CR1: variants seen among roughly 807,000 people sequenced by gnomAD.
CR1 encodes the protein complement C3b/C4b receptor 1 (Knops blood group).
In CR1, 116 loss-of-function variants were observed where a neutral mutation model predicts 187.3. That is an observed-to-expected ratio of 0.62 (90% CI 0.53 to 0.72). The LOEUF is 0.72. Ranked by LOEUF, CR1 falls within the 30% of genes least tolerant of loss-of-function variation. The pLI, the probability that CR1 is intolerant of heterozygous loss-of-function variation, is 0.00. For synonymous variants in CR1, 576 were observed against 747.1 expected, an observed-to-expected ratio of 0.77 and a Z score of 3.73; for missense variants, 1,731 against 2,110.7, an observed-to-expected ratio of 0.82 and a Z score of 3.52.
intron 23 of CR1, 52 bp from the exon 24 acceptor site, chr1:207,565,786 A>C (rs1345601037): frequency 1.2e-6 from 2 of 1,606,894 alleles, no homozygotes; most frequent in African/African-American, 2.8e-5. Context: ...TTGTGAACTA[A>C]GTGTCCTCTT....
chr1:207,636,566 G>C (rs949163802), intron 46 of CR1, among the ~76,000 whole-genome samples: 1 of 152,120 alleles, frequency 6.6e-6, no homozygotes, highest in South Asian at 2.1e-4. Context: ...GCCAATTTTT[G>C]ATCAATACCA....
intron 45 of CR1, among the ~76,000 whole-genome samples, chr1:207,624,039 C>T (rs1252652840): frequency 1.3e-5 from 2 of 150,016 alleles, no homozygotes. Context: ...GATTCTCATG[C>T]CTCAGCCTCC....
In CR1 at chr1:207,626,133, G is replaced by A. The variant is rs1459683932; in HGVS notation, c.7352+3065G>A. Among the ~76,000 whole-genome samples the A allele has an allele frequency of 3.9e-5, 6 of 152,100 alleles. No individual in the cohort carries two copies. The South Asian group carries it at 6.2e-4, about 16-fold the overall frequency. On this transcript the variant is annotated intron_variant, in intron 45 of 46. Transcript: ENST00000367049. ...CCTACACCCAGGAATGAGCAAAGCC[G>A]GCCCACCTGTGAGGCTAGAAGCAAG...
At chr1:207,510,805 T>A (rs1315313458) in intron 3 of CR1, among the ~76,000 whole-genome samples, 1 of 147,268 alleles carries the variant, frequency 6.8e-6, no homozygotes, top group Non-Finnish European at 1.5e-5. Context: ...CTTCTTTGCT[T>A]TCTTTCTTTC....
chr1:207,611,382 C>T (rs988630986), intron 37 of CR1, among the ~76,000 whole-genome samples: 12 of 152,208 alleles, frequency 7.9e-5, no homozygotes, highest in Non-Finnish European at 1.6e-4. Flanking sequence ...ACTCACGACT[C>T]TGTGCTCCAT....
chr1:207,577,796 C>G lies in CR1; in HGVS notation c.4538-9C>G. The G allele has an allele frequency of 6.8e-6, 11 of 1,613,686 alleles. No individual in the cohort carries two copies. The highest frequency in any genetic ancestry group is 7.6e-6 in the Non-Finnish European group (9 of 1,179,804). On this transcript the variant is annotated splice_polypyrimidine_tract_variant and intron_variant, in intron 28 of 46. Coordinates refer to ENST00000367049, the MANE Select transcript of CR1 (RefSeq NM_000651.6). ...TTTTGTTTTGGTTAACTTGCTGTCT[C>G]TTTTCCAGGAATTCCTTGTGGGCTA...
chr1:207,591,705 C>G (rs1440257089), intron 35 of CR1, among the ~76,000 whole-genome samples: 1 of 143,484 alleles, frequency 7.0e-6, no homozygotes, highest in Admixed American at 7.2e-5. Context: ...ACTAGCCAGA[C>G]TAATAAAGAA....
In CR1 at chr1:207,609,460, G is replaced by A. The variant is rs1661848020; in HGVS notation, c.6067G>A (p.Asp2023Asn). Residue 2023 changes from aspartate to asparagine, a missense_variant, in exon 37 of 47, where the codon GAT (aspartate) becomes AAT (asparagine). Asp to Asn is a conservative substitution (Grantham distance 23, BLOSUM62 1). Transcript: ENST00000367049. ...ERSIYCTSKDDQVGVWSSPPP... is the reference protein window; with the variant it reads ...ERSIYCTSKDNQVGVWSSPPP... ...GTCAATATATTGCACCAGCAAAGAT[G>A]ATCAAGTTGGTGTTTGGAGCAGCCC... The A allele has an allele frequency of 6.2e-7, 1 of 1,614,016 alleles. No homozygotes were observed. The highest frequency in any genetic ancestry group is 8.5e-7 in the Non-Finnish European group (1 of 1,179,884).
At chr1:207,509,234 T>G (rs912058922) in intron 3 of CR1, among the ~76,000 whole-genome samples, 1 of 152,222 alleles carries the variant, frequency 6.6e-6, no homozygotes, top group African/African-American at 2.4e-5. Context: ...AGTCTAGACA[T>G]GTTCACCCAC....
At chr1:207,586,421 G>A (rs1661114422) in intron 33 of CR1, among the ~76,000 whole-genome samples, 1 of 152,220 alleles carries the variant, frequency 6.6e-6, no homozygotes, top group South Asian at 2.1e-4. Context: ...CAAGGCGTGA[G>A]CCACCATGCC....
At chr1:207,515,321 T>C (rs1316209594) in intron 4 of CR1, among the ~76,000 whole-genome samples, 1 of 149,742 alleles carries the variant, frequency 6.7e-6, no homozygotes, top group Non-Finnish European at 1.5e-5. Flanking sequence ...TATATACACA[T>C]ATATATAGTG....
intron 35 of CR1, chr1:207,600,920 TA>T (rs1294235380): frequency 6.6e-6 from 1 of 152,162 alleles, no homozygotes; most frequent in African/African-American, 2.4e-5. Flanking sequence ...ATATTACTCA[TA>T]AAAATTTCTG....
chr1:207,520,968 G>GTTTTTTTTTTT (rs141546660), intron 4 of CR1, among the ~76,000 whole-genome samples: 13 of 44,568 alleles, frequency 2.9e-4, no homozygotes, highest in Non-Finnish European at 4.2e-4. Flanking sequence ...TTTTTTGGTT[G>GTTTTTTTTTTT]TTTTTTTTTT....
rs769416269 is a variant in CR1, at chr1:207,578,146, C to T, written c.4879C>T (p.Arg1627Cys). 19 of 1,611,678 alleles carry T rather than the reference C, an allele frequency of 1.2e-5. No individual in the cohort carries two copies. In the East Asian group the frequency reaches 2.5e-4, roughly 21 times the overall value. The change falls in exon 29 of 47, where the codon CGT becomes TGT. Residue 1627 changes from arginine (R) to cysteine (C), a missense_variant. Arg to Cys is a radical substitution (Grantham distance 180). Around this residue, in one of 5 missense-constraint regions of CR1, gnomAD observed 1,312 missense variants for 1,379.6 expected, o/e 0.95. Coordinates refer to ENST00000367049, the MANE Select transcript of CR1 (RefSeq NM_000651.6). ...TGGCTTTGTCATGAAAGGACCCCGCCGTGTGAAGTGCCAGGCCCTGAACAA... is the reference window on the plus strand; with the variant it reads ...TGGCTTTGTCATGAAAGGACCCCGCTGTGTGAAGTGCCAGGCCCTGAACAA... ...QPGFVMKGPR[R>C]VKCQALNKWE...
chr1:207,636,918 A>G (rs1438944480), intron 46 of CR1, among the ~76,000 whole-genome samples: 1 of 152,254 alleles, frequency 6.6e-6, no homozygotes, highest in Non-Finnish European at 1.5e-5. Flanking sequence ...CACAGCTTAT[A>G]GTTTGAGAGT....
intron 28 of CR1, among the ~76,000 whole-genome samples, chr1:207,576,208 A>G (rs990445418): frequency 6.6e-6 from 1 of 152,232 alleles, no homozygotes; most frequent in Non-Finnish European, 1.5e-5. Flanking sequence ...AAATGTGTAT[A>G]ATCCTGGGTT....
At chr1:207,499,181 T>C (rs906307797) in intron 1 of CR1, among the ~76,000 whole-genome samples, 1 of 152,190 alleles carries the variant, frequency 6.6e-6, no homozygotes, top group Non-Finnish European at 1.5e-5. Flanking sequence ...ACCATGCTAA[T>C]GCTAGTCACA....
rs1662796105 is a variant in CR1, at chr1:207,635,829, T to C, written c.7458-3568T>C. On this transcript the variant is annotated intron_variant, in intron 46 of 46. Coordinates refer to ENST00000367049, the MANE Select transcript of CR1 (RefSeq NM_000651.6). ...GGTACTTGAGATTAGGGAGTGGTGA[T>C]GACTCTTAACAAGCATGCTGCCTTC... Among the ~76,000 whole-genome samples the C allele has an allele frequency of 2.0e-5, 3 of 152,186 alleles. 1 individual carries two copies. In the South Asian group the frequency reaches 6.2e-4, roughly 32 times the overall value.
intron 28 of CR1, among the ~76,000 whole-genome samples, chr1:207,577,420 T>C (rs1475990318): frequency 1.3e-5 from 2 of 152,216 alleles, no homozygotes; most frequent in African/African-American, 4.8e-5. Context: ...TATTTACTTC[T>C]GGTAATTTGA....
Sources: gnomAD v4.1 joint callset for allele counts (sites outside exome capture counted in the v4.1 genomes callset) on GRCh38, gnomAD v4.1.1 for gene constraint, gnomAD v4.1.1 regional missense constraint, MANE v1.5 for transcripts, NCBI Gene and HGNC (gene_info 2026-07-23, HGNC 2026-07-21) for gene names.